Variants in HPSE2 observed in about 807,000 individuals in gnomAD.
HPSE2 encodes the protein inactive heparanase-2.
Under a neutral mutation model 60.5 loss-of-function variants are expected in HPSE2, and 38 were observed. The ratio of observed to expected loss-of-function variants is 0.63; its 90% CI spans 0.48 to 0.82. The LOEUF is 0.82. HPSE2 is among the 40% of genes least tolerant of loss of function. The pLI, the probability that HPSE2 is intolerant of heterozygous loss-of-function variation, is 0.00. For synonymous variants in HPSE2, 295 were observed against 293.2 expected, an observed-to-expected ratio of 1.01 and a Z score of -0.06; for missense variants, 713 against 740.4, an observed-to-expected ratio of 0.96 and a Z score of 0.43.
intron 3 of HPSE2, among the ~76,000 whole-genome samples, chr10:98,848,416 T>TA (rs146384443): frequency 0.092 from 13,042 of 141,716 alleles, 758 homozygotes; most frequent in South Asian, 0.22. Context: ...AGACTCTGTC[T>TA]AAAAAAAAAA....
At chr10:98,697,841 G>C (rs991080425) in intron 5 of HPSE2, among the ~76,000 whole-genome samples, 1 of 152,124 alleles carries the variant, frequency 6.6e-6, no homozygotes, top group African/African-American at 2.4e-5. Flanking sequence ...AGAAGAGAGT[G>C]GGGGCCAATA....
At chr10:99,016,249 A>T (rs1359811125) in intron 3 of HPSE2, among the ~76,000 whole-genome samples, 5 of 152,178 alleles carry the variant, frequency 3.3e-5, no homozygotes, top group South Asian at 4.1e-4. Context: ...TCTTCTGCAT[A>T]TTGCTAGTCA....
At chr10:98,487,122 A>G (rs1941469626) in intron 10 of HPSE2, among the ~76,000 whole-genome samples, 1 of 152,228 alleles carries the variant, frequency 6.6e-6, no homozygotes. Context: ...CCCCAGAAAC[A>G]TACGTTGTTT....
At chr10:98,554,370 G>A (rs928836695) in intron 9 of HPSE2, among the ~76,000 whole-genome samples, 1 of 152,162 alleles carries the variant, frequency 6.6e-6, no homozygotes, top group Non-Finnish European at 1.5e-5. Flanking sequence ...AAAGTAGGAC[G>A]TCCTTCATGA....
chr10:99,066,998 C>T (rs1435586532), intron 3 of HPSE2, among the ~76,000 whole-genome samples: 2 of 152,192 alleles, frequency 1.3e-5, no homozygotes, highest in African/African-American at 2.4e-5. Context: ...TAAATACACT[C>T]ATTCCAAATG....
intron 2 of HPSE2, among the ~76,000 whole-genome samples, chr10:99,154,401 C>T (rs1392464548): frequency 3.2e-5 from 2 of 61,988 alleles, no homozygotes; most frequent in African/African-American, 7.7e-5. Flanking sequence ...AACAGTGGAT[C>T]TCTCGGCAGA....
chr10:98,551,891 C>T (rs1191357298), intron 9 of HPSE2, among the ~76,000 whole-genome samples: 1 of 152,138 alleles, frequency 6.6e-6, no homozygotes, highest in African/African-American at 2.4e-5. Context: ...CTGGATCCTA[C>T]CCTAGCCAAA....
At position 99,066,214 on chromosome 10, in the gene HPSE2, A is replaced by G. The variant is rs189656528; in HGVS notation, c.610+78024T>C. ...AACCAAGATTACAAACTGTTACTAC[A>G]TCTTCTGAAGTAAAAATAATCAGCA... On this transcript the variant is annotated intron_variant, in intron 3 of 11. Transcript: ENST00000370552. Among the ~76,000 whole-genome samples, 247 of 152,340 alleles carry G rather than the reference A, an allele frequency of 1.6e-3. 1 individual carries two copies. Among genetic ancestry groups the G allele is most frequent in the Admixed American group, 3.3e-3 (51 of 15,300 alleles).
In HPSE2 at chr10:99,176,794, G is replaced by T. The variant is rs552070063; in HGVS notation, c.449-32395C>A. On this transcript the variant is annotated intron_variant, in intron 2 of 11. Coordinates refer to ENST00000370552, the MANE Select transcript of HPSE2 (RefSeq NM_021828.5). ...ACACCATAAAGATACTCCTTGAGGA[G>T]AGCAACCCCCAAGACACATAATGAT... Among the ~76,000 whole-genome samples, 4 of 152,086 alleles carry T rather than the reference G, an allele frequency of 2.6e-5. No individual in the cohort carries two copies. In the South Asian group the frequency reaches 8.4e-4, roughly 32 times the overall value.
chr10:99,010,485 A>C (rs528492171), intron 3 of HPSE2, among the ~76,000 whole-genome samples: 1 of 152,328 alleles, frequency 6.6e-6, no homozygotes, highest in African/African-American at 2.4e-5. Context: ...ATGGGCAGAA[A>C]TTTTAAGAGA....
intron 3 of HPSE2, among the ~76,000 whole-genome samples, chr10:99,125,671 C>G (rs551190743): frequency 1.3e-5 from 2 of 152,306 alleles, no homozygotes; most frequent in East Asian, 3.9e-4. Flanking sequence ...GGAAAACATG[C>G]CTCTGAACAC....
rs77621266 is a variant in HPSE2, at chr10:98,556,346, C to T, written c.1320+58558G>A. On this transcript the variant is annotated intron_variant, in intron 9 of 11. Transcript: ENST00000370552. ...TTCACATACTTCTGCAAATAGATGG[C>T]TCGATTCAAAGATGAGTAATAATTA... 3.7e-4 allele frequency among the ~76,000 whole-genome samples: 57 copies of T among 152,250 alleles called. No individual in the cohort carries two copies. In the East Asian group the frequency reaches 8.1e-3, roughly 22 times the overall value.
At chr10:99,207,764 C>T (rs1172735437) in intron 2 of HPSE2, among the ~76,000 whole-genome samples, 1 of 151,810 alleles carries the variant, frequency 6.6e-6, no homozygotes, top group Admixed American at 6.6e-5. Flanking sequence ...ATAAGCTTCA[C>T]TCTAAATACA....
chr10:99,287,979 G>A, the HPSE2 span, among the ~76,000 whole-genome samples: 1 of 152,220 alleles, frequency 6.6e-6, no homozygotes, highest in Non-Finnish European at 1.5e-5. Flanking sequence ...TCTTCTAGAA[G>A]CTGTAGCTAA....
intron 3 of HPSE2, among the ~76,000 whole-genome samples, chr10:98,861,525 T>G (rs1952457846): frequency 6.6e-6 from 1 of 152,196 alleles, no homozygotes; most frequent in Non-Finnish European, 1.5e-5. Flanking sequence ...CAATTTGGCT[T>G]GAAAACTATA....
chr10:98,943,994 A>G (rs902011364), intron 3 of HPSE2, among the ~76,000 whole-genome samples: 1 of 152,304 alleles, frequency 6.6e-6, no homozygotes, highest in East Asian at 1.9e-4. Flanking sequence ...ACAGAAATAG[A>G]TATCTAATAA....
intron 3 of HPSE2, among the ~76,000 whole-genome samples, chr10:98,910,002 T>C (rs1374584435): frequency 2.0e-5 from 3 of 152,194 alleles, no homozygotes; most frequent in Admixed American, 1.3e-4. Context: ...ATCTATACTT[T>C]ATAGTATTTT....
intron 3 of HPSE2, among the ~76,000 whole-genome samples, chr10:99,122,035 A>G (rs570517789): frequency 2.0e-5 from 3 of 152,252 alleles, no homozygotes; most frequent in African/African-American, 7.2e-5. Context: ...CACATACTGT[A>G]TTACTGGATT....
intron 11 of HPSE2, among the ~76,000 whole-genome samples, chr10:98,478,281 A>G (rs1941102048): frequency 6.6e-6 from 1 of 152,148 alleles, no homozygotes; most frequent in Non-Finnish European, 1.5e-5. Flanking sequence ...TGGAAAACAA[A>G]ACTAGCCAGC....
Sources: allele counts gnomAD v4.1 joint callset (sites outside exome capture counted in the v4.1 genomes callset), GRCh38; gene constraint gnomAD v4.1.1; transcripts MANE v1.5; gene names NCBI Gene and HGNC (gene_info 2026-07-23, HGNC 2026-07-21).